The following ORC5 variants were observed in gnomAD, a reference collection of about 807,000 sequenced individuals.
ORC5 encodes the protein origin recognition complex subunit 5.
In ORC5, 39 loss-of-function variants were observed where a neutral mutation model predicts 58.8. The observed-to-expected ratio is 0.66, with a 90% CI of 0.51 to 0.87. The LOEUF (loss-of-function observed/expected upper bound fraction) is 0.87. Among genes scored for constraint, ORC5 ranks in the 40% least tolerant of loss-of-function variants. The pLI is 0.00. For synonymous variants in ORC5, 218 were observed against 177.6 expected (o/e 1.23, Z -1.81); for missense variants, 493 against 506.3 (o/e 0.97, Z 0.25).
intron 5 of ORC5, among the ~76,000 whole-genome samples, chr7:104,194,419 C>G (rs758787776): frequency 3.3e-5 from 5 of 152,022 alleles, no homozygotes; most frequent in Non-Finnish European, 7.4e-5. Context: ...GTTATAATCT[C>G]TGAATCCCAA....
chr7:104,171,833 C>T (rs557961784), intron 8 of ORC5, among the ~76,000 whole-genome samples: 9 of 152,150 alleles, frequency 5.9e-5, no homozygotes, highest in East Asian at 3.9e-4. Flanking sequence ...CCAGCCTGGA[C>T]GAGACAATGG....
rs75321921 is a variant in ORC5 at position 104,141,680 on chromosome 7, A to G, written c.1150-4787T>C. Reference sequence around the variant, plus strand: ...CAACAAACATGTCTATACACTTACAATGAACTATCAAAAAACGAAATTTAA... The same window carrying G: ...CAACAAACATGTCTATACACTTACAGTGAACTATCAAAAAACGAAATTTAA... On this transcript the variant is annotated intron_variant, in intron 12 of 13. Transcript: ENST00000297431. 9.4e-3 allele frequency among the ~76,000 whole-genome samples: 1,432 copies of G among 152,328 alleles called. 72 individuals are homozygous for G. The highest frequency in any genetic ancestry group is 0.083 in the Admixed American group (1,262 of 15,290).
chr7:104,173,725 C>A (rs1007672624), intron 8 of ORC5, among the ~76,000 whole-genome samples: 2 of 152,072 alleles, frequency 1.3e-5, no homozygotes, highest in African/African-American at 4.8e-5. Flanking sequence ...GGTTTGAATA[C>A]TCCGGTTACT....
chr7:104,182,787 C>G (rs576980333), intron 8 of ORC5, among the ~76,000 whole-genome samples: 1 of 152,284 alleles, frequency 6.6e-6, no homozygotes, highest in South Asian at 2.1e-4. Flanking sequence ...TGTCATATTA[C>G]TATACATTTT....
At chr7:104,192,793 A>G (rs1438824650) in intron 5 of ORC5, among the ~76,000 whole-genome samples, 1 of 152,062 alleles carries the variant, frequency 6.6e-6, no homozygotes, top group Non-Finnish European at 1.5e-5. Context: ...GATACAAAAG[A>G]AAACAAAAGC....
chr7:104,148,680 T>C (rs1325910821), intron 12 of ORC5, among the ~76,000 whole-genome samples: 1 of 152,196 alleles, frequency 6.6e-6, no homozygotes, highest in Non-Finnish European at 1.5e-5. Flanking sequence ...GGTTAATTTT[T>C]CATAAGTCAG....
chr7:104,169,992 GA>G (rs1246474640), intron 8 of ORC5, among the ~76,000 whole-genome samples: 5 of 152,138 alleles, frequency 3.3e-5, no homozygotes, highest in African/African-American at 4.8e-5. Context: ...GTCGTCCTAA[GA>G]AATGTCTTAT....
chr7:104,131,262 C>T (rs1017976174), intron 13 of ORC5, among the ~76,000 whole-genome samples: 1 of 152,154 alleles, frequency 6.6e-6, no homozygotes, highest in African/African-American at 2.4e-5. Flanking sequence ...GATCAGAACT[C>T]CCTCAACTTT....
chr7:104,196,093 T>A (rs1416272055), intron 4 of ORC5, among the ~76,000 whole-genome samples: 1 of 152,220 alleles, frequency 6.6e-6, no homozygotes, highest in Non-Finnish European at 1.5e-5. Context: ...CAGCTGAGAT[T>A]ACTCTAAATC....
chr7:104,196,031 T>G (rs1350301182), intron 4 of ORC5, among the ~76,000 whole-genome samples: 1 of 152,220 alleles, frequency 6.6e-6, no homozygotes, highest in Admixed American at 6.5e-5. Flanking sequence ...AAATACATTT[T>G]TAAAAATCAA....
At chr7:104,192,272 A>G (rs1380982283) in intron 5 of ORC5, among the ~76,000 whole-genome samples, 2 of 152,180 alleles carry the variant, frequency 1.3e-5, no homozygotes, top group African/African-American at 4.8e-5. Context: ...GCTTAATACC[A>G]ATCTGTGTAT....
chr7:104,158,234 A>C (rs1012203834), intron 12 of ORC5, among the ~76,000 whole-genome samples: 6 of 151,944 alleles, frequency 3.9e-5, no homozygotes, highest in African/African-American at 1.4e-4. Context: ...GCCTTAAGAA[A>C]GTATTTAATA....
At chr7:104,127,102 G>A (rs567081465) in intron 13 of ORC5, among the ~76,000 whole-genome samples, 56 of 145,972 alleles carry the variant, frequency 3.8e-4, no homozygotes, top group African/African-American at 1.3e-3. Context: ...TGCCATGCAC[G>A]AAGTTTGCCT....
At chr7:104,155,264 A>G (rs182850490) in intron 12 of ORC5, among the ~76,000 whole-genome samples, 4 of 151,744 alleles carry the variant, frequency 2.6e-5, no homozygotes, top group African/African-American at 9.7e-5. Flanking sequence ...ATATTTGTAT[A>G]TTAAACTATG....
At chr7:104,158,111 C>A (rs1407401452) in intron 12 of ORC5, among the ~76,000 whole-genome samples, 2 of 152,104 alleles carry the variant, frequency 1.3e-5, no homozygotes, top group Non-Finnish European at 2.9e-5. Context: ...TACTCATTCT[C>A]CACAGCCAAG....
intron 12 of ORC5, among the ~76,000 whole-genome samples, chr7:104,139,771 T>C (rs186825824): frequency 6.6e-6 from 1 of 152,040 alleles, no homozygotes; most frequent in Non-Finnish European, 1.5e-5. Flanking sequence ...GTTATGTTCT[T>C]TGTTACATGT....
chr7:104,169,307 T>C (rs1327379437), intron 8 of ORC5, among the ~76,000 whole-genome samples: 1 of 87,482 alleles, frequency 1.1e-5, no homozygotes, highest in African/African-American at 2.7e-5. Flanking sequence ...CCTTGTAGGA[T>C]GCTTGCAGAG....
At chr7:104,181,502 G>C (rs1052343983) in intron 8 of ORC5, among the ~76,000 whole-genome samples, 3 of 152,084 alleles carry the variant, frequency 2.0e-5, no homozygotes, top group Non-Finnish European at 4.4e-5. Flanking sequence ...AATGTGCACA[G>C]AGGCCGGGTG....
In ORC5 at chr7:104,207,745, C is replaced by T. The variant is rs1800128542; in HGVS notation, c.72+88G>A. On this transcript the variant is annotated intron_variant, in intron 1 of 13. Coordinates refer to ENST00000297431, the MANE Select transcript of ORC5 (RefSeq NM_002553.4). ...AAAAACGGCCTTTTGGCCCTCAATC[C>T]AAACACGAAAAAACAAATATTGGAA... 3 of 1,338,094 alleles carry T rather than the reference C, an allele frequency of 2.2e-6. No individual in the cohort carries two copies. In the Admixed American group the frequency reaches 5.2e-5, roughly 23 times the overall value. The allele number at this position is 1,338,094 out of a possible 1,614,324, so 82.9% of individuals were successfully genotyped here. A position where few individuals can be genotyped will look rare whatever the true frequency, so the allele number is the denominator to read the frequency against.
Sources: gnomAD v4.1 joint callset for allele counts (sites outside exome capture counted in the v4.1 genomes callset) on GRCh38, gnomAD v4.1.1 for gene constraint, MANE v1.5 for transcripts, NCBI Gene and HGNC (gene_info 2026-07-23, HGNC 2026-07-21) for gene names.